The following SAMMSON variants were observed in gnomAD, a reference collection of about 807,000 sequenced individuals.
SAMMSON encodes the protein survival associated mitochondrial melanoma specific oncogenic non-coding RNA.
intron 4 of SAMMSON, among the ~76,000 whole-genome samples, chr3:70,154,531 C>T (rs1043686250): frequency 6.6e-6 from 1 of 152,008 alleles, no homozygotes; most frequent in Non-Finnish European, 1.5e-5. Flanking sequence ...GGTCTGAGCG[C>T]TCATCAGCTG....
intron 4 of SAMMSON, among the ~76,000 whole-genome samples, chr3:70,139,444 G>C (rs2067518863): frequency 6.6e-6 from 1 of 152,094 alleles, no homozygotes; most frequent in East Asian, 1.9e-4. Flanking sequence ...CATGACTCTG[G>C]GTAGCCCTAC....
chr3:70,116,283 C>T (rs1270420451), intron 4 of SAMMSON, among the ~76,000 whole-genome samples: 13 of 114,248 alleles, frequency 1.1e-4, no homozygotes, highest in African/African-American at 3.2e-4. Context: ...AGGAGAAGGG[C>T]GATGCTTTCT....
chr3:70,325,403 G>A (rs1357354222), intron 7 of SAMMSON, among the ~76,000 whole-genome samples: 1 of 151,840 alleles, frequency 6.6e-6, no homozygotes, highest in Non-Finnish European at 1.5e-5. Context: ...GTGTGGATCT[G>A]ATTAGCTGAC....
At chr3:70,382,416 G>A (rs1703077318) in intron 9 of SAMMSON, among the ~76,000 whole-genome samples, 1 of 152,060 alleles carries the variant, frequency 6.6e-6, no homozygotes, top group Admixed American at 6.6e-5. Context: ...GAGCAATTTT[G>A]CCTCTTAGGG....
At chr3:70,040,403 G>T (rs577564281) in intron 3 of SAMMSON, among the ~76,000 whole-genome samples, 2 of 152,280 alleles carry the variant, frequency 1.3e-5, no homozygotes, top group East Asian at 3.9e-4. Context: ...AGGGTCACCA[G>T]TCTGGGAAAC....
At chr3:70,247,057 C>G (rs1553648408) in intron 4 of SAMMSON, among the ~76,000 whole-genome samples, 1 of 150,820 alleles carries the variant, frequency 6.6e-6, no homozygotes, top group Admixed American at 6.6e-5. Flanking sequence ...ATTTTTTTTT[C>G]TTTAGTTTAT....
chr3:70,068,871 G>A (rs1372367889), intron 3 of SAMMSON: 2 of 152,070 alleles, frequency 1.3e-5, no homozygotes, highest in African/African-American at 2.4e-5. Context: ...ACTGAAGAAA[G>A]AACACAGGAA....
Position 70,060,577 on chromosome 3 carries a change from C to T in SAMMSON, n.418-10899C>T, listed in dbSNP as rs533747518. Among the ~76,000 whole-genome samples the T allele has an allele frequency of 2.3e-4, 35 of 152,118 alleles. No homozygotes were observed. In the South Asian group the frequency reaches 6.2e-3, roughly 27 times the overall value. On this transcript the variant is annotated intron_variant and non_coding_transcript_variant, in intron 3 of 9. Coordinates refer to ENST00000642114, the Ensembl canonical transcript of SAMMSON. ...GCTTCAAATTAATTTGAAGGTTATC[C>T]TGGGGAAAATATTATGATGGCTTAT...
rs928465556 is a variant in SAMMSON at position 70,187,427 on chromosome 3, C to CTTTT, written n.508-61655_508-61652dup. On this transcript the variant is annotated intron_variant and non_coding_transcript_variant, in intron 4 of 9. Transcript: ENST00000642114. ...GCATGAGACAGCTCTGGGACCAACT[C>CTTTT]TTTTTTTTTTTTTTTTTTTTTTTTT... 3.5e-3 allele frequency among the ~76,000 whole-genome samples: 253 copies of CTTTT among 73,152 alleles called. 22 individuals are homozygous for CTTTT. Among genetic ancestry groups the CTTTT allele is most frequent in the Non-Finnish European group, 4.2e-3 (170 of 40,742 alleles). 48.0% of individuals were successfully genotyped at this position (73,152 alleles called of 152,430 possible).
At chr3:70,219,189 C>G (rs2106735438) in intron 4 of SAMMSON, among the ~76,000 whole-genome samples, 1 of 152,230 alleles carries the variant, frequency 6.6e-6, no homozygotes, top group Non-Finnish European at 1.5e-5. Context: ...TATGGAAAAA[C>G]AAGAATGCTC....
At chr3:70,148,342 G>A (rs971485276) in intron 4 of SAMMSON, among the ~76,000 whole-genome samples, 10 of 152,072 alleles carry the variant, frequency 6.6e-5, no homozygotes, top group Non-Finnish European at 5.9e-5. Flanking sequence ...ATTATCCTCA[G>A]AATGAAAGTA....
intron 6 of SAMMSON, among the ~76,000 whole-genome samples, chr3:70,251,484 AC>A (rs1481159751): frequency 6.6e-6 from 1 of 152,160 alleles, no homozygotes; most frequent in African/African-American, 2.4e-5. Context: ...ATTGGTCTAC[AC>A]TTTTTCATTC....
chr3:70,112,463 A>G (rs902404138), intron 4 of SAMMSON, among the ~76,000 whole-genome samples: 3 of 152,212 alleles, frequency 2.0e-5, no homozygotes, highest in African/African-American at 4.8e-5. Context: ...AAAGAGTGGG[A>G]CAGAAGAAGC....
intron 3 of SAMMSON, among the ~76,000 whole-genome samples, chr3:70,047,555 C>T (rs1463009460): frequency 1.3e-5 from 2 of 151,886 alleles, no homozygotes; most frequent in Non-Finnish European, 2.9e-5. Context: ...TGGCTGGTCT[C>T]GAACTCCTAA....
At chr3:70,098,399 G>A (rs1444746410) in intron 4 of SAMMSON, among the ~76,000 whole-genome samples, 2 of 151,006 alleles carry the variant, frequency 1.3e-5, no homozygotes, top group African/African-American at 2.4e-5. Context: ...ACGGAATCTC[G>A]CTCTCTCTCC....
chr3:70,100,964 C>T (rs999239544), intron 4 of SAMMSON, among the ~76,000 whole-genome samples: 1 of 152,140 alleles, frequency 6.6e-6, no homozygotes, highest in Non-Finnish European at 1.5e-5. Context: ...CATTGTTTAT[C>T]CAACAAAATT....
At chr3:70,343,173 A>G (rs1038343392) in intron 7 of SAMMSON, among the ~76,000 whole-genome samples, 1 of 152,190 alleles carries the variant, frequency 6.6e-6, no homozygotes, top group Non-Finnish European at 1.5e-5. Context: ...TTTCCCTACT[A>G]TTAAAATCTT....
At chr3:70,294,722 A>G (rs566514681) in intron 7 of SAMMSON, among the ~76,000 whole-genome samples, 9 of 152,308 alleles carry the variant, frequency 5.9e-5, no homozygotes, top group African/African-American at 2.2e-4. Context: ...GATTAAATCA[A>G]TGGCACAACA....
intron 4 of SAMMSON, among the ~76,000 whole-genome samples, chr3:70,223,179 A>C (rs1245859659): frequency 2.0e-5 from 3 of 152,200 alleles, no homozygotes; most frequent in Non-Finnish European, 4.4e-5. Flanking sequence ...GGGTGCTAAC[A>C]TGTGAAAGTG....
Sources: gnomAD v4.1 joint callset for allele counts (sites outside exome capture counted in the v4.1 genomes callset) on GRCh38, gnomAD v4.1.1 for gene constraint, MANE v1.5 for transcripts, NCBI Gene and HGNC (gene_info 2026-07-23, HGNC 2026-07-21) for gene names.